Variants in CD36 observed in about 807,000 individuals in gnomAD.
CD36 encodes the protein platelet glycoprotein 4.
A neutral mutation model predicts 55.2 loss-of-function variants in CD36; 119 were observed. The observed-to-expected ratio is 2.15, with a 90% confidence interval of 1.86 to 2.51. CD36 has a LOEUF of 2.51. CD36 is among the 30% of genes most tolerant of loss of function. The pLI, the probability that CD36 is intolerant of heterozygous loss-of-function variation, is 0.00. For synonymous variants in CD36, 186 were observed against 193.6 expected, an observed-to-expected ratio of 0.96 and a Z score of 0.33; for missense variants, 819 against 555.5, an observed-to-expected ratio of 1.47 and a Z score of -4.77.
intron 1 of CD36, among the ~76,000 whole-genome samples, chr7:80,642,396 A>G (rs1469619136): frequency 6.6e-6 from 1 of 152,146 alleles, no homozygotes; most frequent in African/African-American, 2.4e-5. Flanking sequence ...TAGACAGCTA[A>G]ATTTGGTGGA....
intron 1 of CD36, among the ~76,000 whole-genome samples, chr7:80,612,919 T>TA (rs1300462781): frequency 6.6e-6 from 1 of 152,150 alleles, no homozygotes; most frequent in African/African-American, 2.4e-5. Context: ...TTTGCTTAAA[T>TA]AAAAAATCTA....
upstream of CD36, among the ~76,000 whole-genome samples, chr7:80,637,274 T>A (rs1446141891): frequency 6.6e-6 from 1 of 152,040 alleles, no homozygotes; most frequent in Non-Finnish European, 1.5e-5. Flanking sequence ...ACCAAAATAA[T>A]ATGTCTTTAT....
chr7:80,671,037 T>G lies in CD36; in HGVS notation c.879T>G (p.Phe293Leu). 3 of 1,613,188 alleles carry G rather than the reference T, an allele frequency of 1.9e-6. No individual in the cohort carries two copies. Among genetic ancestry groups the G allele is most frequent in the Middle Eastern group, 1.7e-4 (1 of 6,058 alleles). ...TGAAAGGAATCCCTGTGTATAGATT[T>G]GTTCTTCCATCCAAGGCCTTTGCCT... The part of the protein sequence containing the change: ...VNLKGIPVYR[F>L]VLPSKAFASP... The change falls in exon 10 of 15, where the codon TTT (phenylalanine) becomes TTG (leucine). Residue 293 changes from phenylalanine to leucine, a missense_variant. Phe to Leu is a conservative substitution (Grantham distance 22). Transcript: ENST00000447544.
chr7:80,611,558 C>A (rs1792878671), intron 1 of CD36, among the ~76,000 whole-genome samples: 1 of 152,172 alleles, frequency 6.6e-6, no homozygotes, highest in Non-Finnish European at 1.5e-5. Flanking sequence ...AGGAACACAC[C>A]TGTAGTGAAA....
At chr7:80,619,208 GC>G (rs1043176524) in intron 1 of CD36, among the ~76,000 whole-genome samples, 1 of 152,156 alleles carries the variant, frequency 6.6e-6, no homozygotes, top group Non-Finnish European at 1.5e-5. Context: ...AATAATTTAA[GC>G]CCACTGTTGA....
At position 80,679,080 on chromosome 7, in the gene CD36, A is replaced by G. The variant is rs143571772; in HGVS notation, c.*2697A>G. ...AATGTCGTCGCTTCTGGTTTCCTGCATATACCAATAGCATTACCTATGACT... is the reference window on the plus strand; with the variant it reads ...AATGTCGTCGCTTCTGGTTTCCTGCGTATACCAATAGCATTACCTATGACT... On this transcript the variant is annotated 3_prime_UTR_variant, in exon 15 of 15. Coordinates refer to ENST00000447544, the MANE Select transcript of CD36 (RefSeq NM_001001548.3). The G allele has an allele frequency of 6.6e-6, 1 of 152,212 alleles. No individual in the cohort carries two copies. The highest frequency in any genetic ancestry group is 1.9e-4 in the East Asian group (1 of 5,174). 9.4% of individuals were successfully genotyped at this position (152,212 alleles called of 1,614,324 possible).
chr7:80,676,304 T>G (rs1255447527), intron 14 of CD36, 80 bp from the exon 15 acceptor site: 5 of 152,058 alleles, frequency 3.3e-5, no homozygotes, highest in African/African-American at 1.2e-4. Flanking sequence ...GTTATGAAAA[T>G]CTCTACCTTG....
At chr7:80,610,530 A>T (rs963299298) in intron 1 of CD36, among the ~76,000 whole-genome samples, 3 of 151,906 alleles carry the variant, frequency 2.0e-5, no homozygotes, top group African/African-American at 7.2e-5. Flanking sequence ...TCTTTTGAAC[A>T]TATTTTAAAC....
chr7:80,626,849 C>A (rs548719846), intron 1 of CD36, among the ~76,000 whole-genome samples: 2 of 152,096 alleles, frequency 1.3e-5, no homozygotes, highest in Non-Finnish European at 2.9e-5. Context: ...TTTAGTCATG[C>A]TTTTAGGTTC....
intron 1 of CD36, among the ~76,000 whole-genome samples, chr7:80,630,792 C>T (rs769727728): frequency 5.9e-4 from 90 of 151,968 alleles, no homozygotes; most frequent in Non-Finnish European, 1.0e-3. Flanking sequence ...GAATACATTA[C>T]ATGGAGGATG....
At chr7:80,639,408 AAAAT>A (rs1316577399) in intron 1 of CD36, among the ~76,000 whole-genome samples, 3 of 152,004 alleles carry the variant, frequency 2.0e-5, no homozygotes, top group Non-Finnish European at 4.4e-5. Context: ...TAGTAGAATA[AAAAT>A]AAAGTTAATT....
chr7:80,624,349 C>G (rs757127869), intron 1 of CD36, among the ~76,000 whole-genome samples: 1 of 151,864 alleles, frequency 6.6e-6, no homozygotes, highest in Non-Finnish European at 1.5e-5. Flanking sequence ...TCTCTCAGGG[C>G]GTAGAATTTA....
chr7:80,643,023 T>C (rs987377536), intron 1 of CD36, among the ~76,000 whole-genome samples: 9 of 152,176 alleles, frequency 5.9e-5, no homozygotes, highest in African/African-American at 2.2e-4. Flanking sequence ...GCCTGTCCAT[T>C]GCTCAACATA....
Position 80,669,996 on chromosome 7 carries a change from G to A in CD36, c.792G>A (p.Leu264=), listed in dbSNP as rs751136975. The change falls in exon 9 of 15, where the codon TTG becomes TTA. Residue 264 remains leucine, a synonymous_variant. Transcript: ENST00000447544. ...FPPFVEKSQV[L]QFFSSDICRS... is the part of the protein sequence containing the mutation. ...CTTTTGTTGAGAAAAGCCAGGTATTGCAGTTCTTTTCTTCTGATATTTGCA... is the reference window on the plus strand; with the variant it reads ...CTTTTGTTGAGAAAAGCCAGGTATTACAGTTCTTTTCTTCTGATATTTGCA... 14 of 1,611,110 alleles carry A rather than the reference G, an allele frequency of 8.7e-6. No homozygotes were observed. Among genetic ancestry groups the A allele is most frequent in the Middle Eastern group, 3.3e-4 (2 of 6,046 alleles).
chr7:80,649,823 A>G (rs1795461698), intron 3 of CD36, among the ~76,000 whole-genome samples: 2 of 152,028 alleles, frequency 1.3e-5, no homozygotes, highest in Admixed American at 1.3e-4. Flanking sequence ...CAGGAAGACA[A>G]AAGTAGAAAA....
intron 3 of CD36, among the ~76,000 whole-genome samples, chr7:80,648,418 A>G (rs760576797): frequency 7.2e-5 from 11 of 152,270 alleles, no homozygotes; most frequent in Admixed American, 1.3e-4. Flanking sequence ...ATTGGTCAAT[A>G]ACTGAGTATT....
rs1250857302 is a variant in CD36 at position 80,661,136 on chromosome 7, G to T, written c.355G>T (p.Gly119Cys). ...DNTVSFLQPN[G>C]AIFEPSLSVG... ...CACAGTCTCTTTCCTGCAGCCCAAT[G>T]GTGCCATCTTCGAACCTTCACTATC... Residue 119 changes from glycine to cysteine, a missense_variant, in exon 5 of 15, where the codon GGT (glycine) becomes TGT (cysteine). By Grantham distance (159) the Gly-to-Cys change is radical. Transcript: ENST00000447544. 2.0e-5 allele frequency: 33 copies of T among 1,613,764 alleles called. No homozygotes were observed. The highest frequency in any genetic ancestry group is 2.5e-5 in the Non-Finnish European group (30 of 1,179,826).
At chr7:80,612,460 C>T (rs975121697) in intron 1 of CD36, among the ~76,000 whole-genome samples, 2 of 152,112 alleles carry the variant, frequency 1.3e-5, no homozygotes, top group Admixed American at 6.5e-5. Flanking sequence ...TAACTCAAAG[C>T]TTCTTATGAA....
chr7:80,628,816 G>A (rs945167513), intron 1 of CD36, among the ~76,000 whole-genome samples: 1 of 152,016 alleles, frequency 6.6e-6, no homozygotes, highest in African/African-American at 2.4e-5. Context: ...CATGGATTCA[G>A]TCTGGAAAGG....
Sources: gnomAD v4.1 joint callset for allele counts (sites outside exome capture counted in the v4.1 genomes callset) on GRCh38, gnomAD v4.1.1 for gene constraint, MANE v1.5 for transcripts, NCBI Gene and HGNC (gene_info 2026-07-23, HGNC 2026-07-21) for gene names.